APIP: variants seen among roughly 807,000 people sequenced by gnomAD.
APIP encodes the protein methylthioribulose-1-phosphate dehydratase.
Under a neutral mutation model 32.0 loss-of-function variants are expected in APIP, and 32 were observed. That is an observed-to-expected ratio of 1.00 (90% confidence interval 0.76 to 1.34). The LOEUF (loss-of-function observed/expected upper bound fraction) is 1.34, where lower values mean the gene tolerates loss of function less well. Ranked by LOEUF, APIP falls within the 40% of genes most tolerant of loss-of-function variation. APIP has a pLI of 0.00. For missense variants in APIP, 247 were observed against 298.6 expected (o/e 0.83, Z 1.27); for synonymous variants, 92 against 94.8 (o/e 0.97, Z 0.17).
At chr11:34,904,428 C>T (rs955631888) in intron 1 of APIP, among the ~76,000 whole-genome samples, 1 of 152,218 alleles carries the variant, frequency 6.6e-6, no homozygotes, top group Non-Finnish European at 1.5e-5. Context: ...AAGAAACTCA[C>T]CTTCCTTGGG....
intron 1 of APIP, among the ~76,000 whole-genome samples, chr11:34,897,875 C>T (rs982758699): frequency 3.3e-5 from 5 of 152,162 alleles, no homozygotes; most frequent in African/African-American, 9.6e-5. Context: ...TCCCCTGGGC[C>T]CTATGAAAAT....
intron 1 of APIP, chr11:34,915,954 C>T (rs1262354712): frequency 1.8e-6 from 1 of 560,654 alleles, no homozygotes; most frequent in African/African-American, 2.0e-5. Context: ...GTCACCTAAA[C>T]GCTCTCCTCT....
intron 5 of APIP, among the ~76,000 whole-genome samples, chr11:34,887,400 C>T (rs1249048717): frequency 2.0e-5 from 3 of 152,180 alleles, no homozygotes; most frequent in African/African-American, 7.2e-5. Context: ...GTACACTTCT[C>T]TTAATTTAAA....
Position 34,916,225 on chromosome 11 carries a change from T to C in APIP, c.57+3A>G, listed in dbSNP as rs1853686823. Reference sequence around the variant, plus strand: ...TACCGGGCACCGGTGGCCCCGCCCCTACCTGCGCGCCGCATCTCCGGGAAC... The same window carrying C: ...TACCGGGCACCGGTGGCCCCGCCCCCACCTGCGCGCCGCATCTCCGGGAAC... On this transcript the variant is annotated splice_donor_region_variant and intron_variant, in intron 1 of 6. Transcript: ENST00000395787. The C allele has an allele frequency of 6.2e-7, 1 of 1,610,926 alleles. No individual in the cohort carries two copies. Among genetic ancestry groups the C allele is most frequent in the Admixed American group, 1.7e-5 (1 of 59,894 alleles).
intron 5 of APIP, among the ~76,000 whole-genome samples, chr11:34,886,849 C>A (rs2133904068): frequency 6.6e-6 from 1 of 152,214 alleles, no homozygotes; most frequent in South Asian, 2.1e-4. Context: ...GTAGGCTATA[C>A]CATTTAGGTT....
At chr11:34,886,956 A>C (rs1252688533) in intron 5 of APIP, among the ~76,000 whole-genome samples, 1 of 152,194 alleles carries the variant, frequency 6.6e-6, no homozygotes, top group Non-Finnish European at 1.5e-5. Context: ...ACTGTATTTT[A>C]AAGCTGTTCT....
intron 1 of APIP, among the ~76,000 whole-genome samples, chr11:34,914,320 G>A (rs181117441): frequency 6.6e-6 from 1 of 152,280 alleles, no homozygotes; most frequent in Non-Finnish European, 1.5e-5. Context: ...CACAATGCCT[G>A]GCACATAGTA....
chr11:34,905,757 C>G (rs1590713034), intron 1 of APIP, among the ~76,000 whole-genome samples: 1 of 152,274 alleles, frequency 6.6e-6, no homozygotes, highest in Non-Finnish European at 1.5e-5. Context: ...GTGGCATGCT[C>G]TAAGTAACCA....
At chr11:34,911,074 A>G (rs1389065155) in intron 1 of APIP, among the ~76,000 whole-genome samples, 1 of 152,230 alleles carries the variant, frequency 6.6e-6, no homozygotes, top group Non-Finnish European at 1.5e-5. Context: ...GGCCAGCTGC[A>G]GTAAGACACC....
intron 1 of APIP, among the ~76,000 whole-genome samples, chr11:34,915,296 A>G (rs1457830055): frequency 6.6e-6 from 1 of 152,302 alleles, no homozygotes; most frequent in East Asian, 1.9e-4. Context: ...TTGCCTATGC[A>G]GCATTCTATT....
chr11:34,907,283 T>C (rs189337486), intron 1 of APIP, among the ~76,000 whole-genome samples: 26 of 152,346 alleles, frequency 1.7e-4, no homozygotes, highest in African/African-American at 6.0e-4. Flanking sequence ...CATTTTAAAG[T>C]ACAGCTAATG....
At chr11:34,902,498 A>ATACTT (rs1224591218) in intron 1 of APIP, among the ~76,000 whole-genome samples, 257 of 152,084 alleles carry the variant, frequency 1.7e-3, no homozygotes, top group African/African-American at 5.7e-3. Context: ...GTACTGTCCA[A>ATACTT]GGGGACCAGA....
intron 2 of APIP, among the ~76,000 whole-genome samples, chr11:34,893,353 C>T (rs541176635): frequency 1.3e-5 from 2 of 152,036 alleles, no homozygotes; most frequent in Non-Finnish European, 2.9e-5. Flanking sequence ...TTTATACATA[C>T]ACAAACTATT....
intron 1 of APIP, among the ~76,000 whole-genome samples, chr11:34,915,283 A>G (rs1590719239): frequency 6.6e-6 from 1 of 152,148 alleles, no homozygotes; most frequent in African/African-American, 2.4e-5. Flanking sequence ...CTCTCATCCA[A>G]TCTTGCCTAT....
At chr11:34,908,621 A>G (rs910837366) in intron 1 of APIP, among the ~76,000 whole-genome samples, 2 of 152,234 alleles carry the variant, frequency 1.3e-5, no homozygotes, top group Non-Finnish European at 2.9e-5. Context: ...TGTGTGCCCT[A>G]AGGCAAGTCA....
At chr11:34,902,025 C>T (rs1260153069) in intron 1 of APIP, among the ~76,000 whole-genome samples, 2 of 152,198 alleles carry the variant, frequency 1.3e-5, no homozygotes. Flanking sequence ...GAGACTAGTT[C>T]AGGACCTTTG....
intron 1 of APIP, among the ~76,000 whole-genome samples, chr11:34,909,802 A>T (rs11606871): frequency 0.22 from 33,778 of 151,984 alleles, 4,926 homozygotes; most frequent in Non-Finnish European, 0.34. Context: ...ATAATTATAG[A>T]AGGTGAGAGG....
At chr11:34,907,504 T>C (rs2025777) in intron 1 of APIP, among the ~76,000 whole-genome samples, 90,488 of 152,086 alleles carry the variant, frequency 0.59, 28,132 homozygotes, top group East Asian at 0.74. Context: ...TTGAGACCCA[T>C]AAAATTAAAA....
At chr11:34,887,449 G>C (rs1050550196) in intron 5 of APIP, among the ~76,000 whole-genome samples, 4 of 152,136 alleles carry the variant, frequency 2.6e-5, no homozygotes, top group African/African-American at 9.7e-5. Flanking sequence ...CAGTCCTGAG[G>C]AATGCTTTAA....
Sources: gnomAD v4.1 joint callset for allele counts (sites outside exome capture counted in the v4.1 genomes callset) on GRCh38, gnomAD v4.1.1 for gene constraint, MANE v1.5 for transcripts, NCBI Gene and HGNC (gene_info 2026-07-23, HGNC 2026-07-21) for gene names.